SUPT3H: variants seen among roughly 807,000 people sequenced by gnomAD.
SUPT3H encodes SPT3 homolog, SAGA and STAGA complex component, also known as transcription initiation protein SPT3 homolog.
A neutral mutation model predicts 44.3 loss-of-function variants in SUPT3H; 44 were observed. The observed-to-expected ratio is 0.99, with a 90% CI of 0.78 to 1.28. The LOEUF is 1.28. Ranked by LOEUF, SUPT3H falls within the 50% of genes most tolerant of loss-of-function variation. SUPT3H has a pLI of 0.00. For synonymous variants in SUPT3H, 124 were observed against 125.6 expected (o/e 0.99, Z 0.09); for missense variants, 380 against 387.1 (o/e 0.98, Z 0.15).
At chr6:45,099,165 G>C (rs1219930090) in intron 3 of SUPT3H, 1 of 288,554 alleles carries the variant, frequency 3.5e-6, no homozygotes, top group Non-Finnish European at 6.9e-6. Context: ...ACCTCAATGG[G>C]ACCACCCTTT....
chr6:45,120,739 T>A (rs1801544611), intron 2 of SUPT3H, among the ~76,000 whole-genome samples: 1 of 152,154 alleles, frequency 6.6e-6, no homozygotes, highest in Admixed American at 6.5e-5. Flanking sequence ...GTTTGCCACA[T>A]GAAATTTATC....
chr6:45,119,414 G>A (rs970038753), intron 2 of SUPT3H, among the ~76,000 whole-genome samples: 6 of 152,044 alleles, frequency 3.9e-5, no homozygotes, highest in Non-Finnish European at 1.5e-5. Flanking sequence ...GTATGAGGAC[G>A]GATTCACCTC....
Position 45,174,981 on chromosome 6 carries a change from C to G in SUPT3H, c.102-68975G>C, listed in dbSNP as rs1337961427. ...TCACTTGAGCCCAGGAGTTAAAATC[C>G]AGCCTGGGCAACATAGTGAGCCCTC... On this transcript the variant is annotated intron_variant, in intron 2 of 10. Coordinates refer to ENST00000371459, the MANE Select transcript of SUPT3H (RefSeq NM_003599.4). Among the ~76,000 whole-genome samples the G allele has an allele frequency of 2.3e-5, 3 of 131,654 alleles. No individual in the cohort carries two copies. The East Asian group carries it at 6.4e-4, about 28-fold the overall frequency. 86.4% of individuals were successfully genotyped at this position (131,654 alleles called of 152,430 possible).
chr6:45,125,752 G>A (rs1456512997), intron 2 of SUPT3H, among the ~76,000 whole-genome samples: 1 of 151,186 alleles, frequency 6.6e-6, no homozygotes, highest in Non-Finnish European at 1.5e-5. Flanking sequence ...TTATTTTTCA[G>A]GTAACTGAAC....
intron 10 of SUPT3H, among the ~76,000 whole-genome samples, chr6:44,929,580 T>A (rs1193853089): frequency 6.6e-6 from 1 of 152,190 alleles, no homozygotes; most frequent in South Asian, 2.1e-4. Context: ...TATGAAAATA[T>A]AGGTGTCAAT....
At chr6:45,027,574 G>A (rs975909094) in intron 3 of SUPT3H, among the ~76,000 whole-genome samples, 15 of 152,054 alleles carry the variant, frequency 9.9e-5, no homozygotes, top group East Asian at 5.8e-4. Context: ...CTAACATACC[G>A]TAGGAACTCT....
Position 45,286,394 on chromosome 6 carries a change from T to G in SUPT3H, c.101+78807A>C, listed in dbSNP as rs372028355. Among the ~76,000 whole-genome samples, 35 of 151,902 alleles carry G rather than the reference T, an allele frequency of 2.3e-4. No homozygotes were observed. In the East Asian group the frequency reaches 5.8e-3, roughly 25 times the overall value. On this transcript the variant is annotated intron_variant, in intron 2 of 10. Coordinates refer to ENST00000371459, the MANE Select transcript of SUPT3H (RefSeq NM_003599.4). ...GAATCTACAATGAACTCAAACAAAT[T>G]TACAAGAAAAAACAACCCCATCAAA...
At chr6:45,171,866 C>A (rs1810849807) in intron 2 of SUPT3H, among the ~76,000 whole-genome samples, 1 of 151,064 alleles carries the variant, frequency 6.6e-6, no homozygotes, top group South Asian at 2.1e-4. Flanking sequence ...TAAAGGCATG[C>A]AACACCACGC....
chr6:45,280,171 G>A (rs1777736426), intron 2 of SUPT3H, among the ~76,000 whole-genome samples: 1 of 152,012 alleles, frequency 6.6e-6, no homozygotes, highest in African/African-American at 2.4e-5. Flanking sequence ...CAGGTTCCAA[G>A]AACTAAATGA....
chr6:44,849,100 A>G (rs1772398594), intron 10 of SUPT3H, among the ~76,000 whole-genome samples: 1 of 152,228 alleles, frequency 6.6e-6, no homozygotes, highest in Non-Finnish European at 1.5e-5. Flanking sequence ...AAGTGCCTAG[A>G]ATATAACATA....
At chr6:45,105,442 G>T (rs1166359069) in intron 3 of SUPT3H, among the ~76,000 whole-genome samples, 1 of 151,926 alleles carries the variant, frequency 6.6e-6, no homozygotes, top group Non-Finnish European at 1.5e-5. Context: ...ATTTTTGTGG[G>T]TACAGAGTAG....
Position 44,881,047 on chromosome 6 carries a change from A to C in SUPT3H, c.913-51190T>G, listed in dbSNP as rs185389510. On this transcript the variant is annotated intron_variant, in intron 10 of 10. Coordinates refer to ENST00000371459, the MANE Select transcript of SUPT3H (RefSeq NM_003599.4). ...ATCATAATGACCAGATCAAATTCAC[A>C]CATAATAATATTAATGTAAACAGGC... is the stretch of plus-strand genomic sequence containing the variant. Among the ~76,000 whole-genome samples, 34 of 152,278 alleles carry C rather than the reference A, an allele frequency of 2.2e-4. 1 individual carries two copies. The East Asian group carries it at 6.4e-3, about 29-fold the overall frequency.
At chr6:45,046,695 A>C (rs2153533392) in intron 3 of SUPT3H, among the ~76,000 whole-genome samples, 1 of 152,338 alleles carries the variant, frequency 6.6e-6, no homozygotes, top group South Asian at 2.1e-4. Flanking sequence ...CTTTTCTAAA[A>C]GTGTTTTGAC....
chr6:45,037,245 T>C (rs1787801160), intron 3 of SUPT3H, among the ~76,000 whole-genome samples: 1 of 151,496 alleles, frequency 6.6e-6, no homozygotes, highest in Non-Finnish European at 1.5e-5. Flanking sequence ...TAGAAAGCTT[T>C]GGTAGGAGTG....
At chr6:45,119,532 A>C (rs1386348636) in intron 2 of SUPT3H, among the ~76,000 whole-genome samples, 1 of 152,208 alleles carries the variant, frequency 6.6e-6, no homozygotes, top group Non-Finnish European at 1.5e-5. Context: ...AACCTTAAGC[A>C]TATAGGCTTT....
At chr6:45,045,208 C>T (rs913242878) in intron 3 of SUPT3H, among the ~76,000 whole-genome samples, 3 of 152,108 alleles carry the variant, frequency 2.0e-5, no homozygotes, top group African/African-American at 7.2e-5. Flanking sequence ...AGCTGGAAGA[C>T]CACCCAGAGA....
chr6:45,223,163 G>GA (rs368210585), intron 2 of SUPT3H, among the ~76,000 whole-genome samples: 74 of 151,866 alleles, frequency 4.9e-4, no homozygotes, highest in African/African-American at 1.7e-3. Context: ...CCGTATGTGA[G>GA]AAAAAAAGAA....
Position 45,029,227 on chromosome 6 carries a change from T to A in SUPT3H, c.187-8595A>T, listed in dbSNP as rs73737836. On this transcript the variant is annotated intron_variant, in intron 3 of 10. Coordinates refer to ENST00000371459, the MANE Select transcript of SUPT3H (RefSeq NM_003599.4). The stretch of plus-strand genomic sequence containing the variant: ...TAACTGTTCTTTTTAGAATAGTAAG[T>A]CAAGCACAGTTAAGTCAGGTTTTAA... 3.9e-3 allele frequency among the ~76,000 whole-genome samples: 592 copies of A among 151,876 alleles called. 7 individuals carry two copies. Among genetic ancestry groups the A allele is most frequent in the African/African-American group, 0.014 (564 of 41,488 alleles).
intron 2 of SUPT3H, among the ~76,000 whole-genome samples, chr6:45,332,059 C>T (rs534413650): frequency 6.6e-6 from 1 of 152,060 alleles, no homozygotes; most frequent in Admixed American, 6.6e-5. Context: ...CAAATCAAAA[C>T]TCACTGTACT....
Sources: allele counts gnomAD v4.1 joint callset (sites outside exome capture counted in the v4.1 genomes callset), GRCh38; gene constraint gnomAD v4.1.1; transcripts MANE v1.5; gene names NCBI Gene and HGNC (gene_info 2026-07-23, HGNC 2026-07-21).